SEMA3A: variants seen among roughly 807,000 people sequenced by gnomAD.
The protein encoded by SEMA3A is semaphorin 3A, also known as semaphorin-3A.
Under a neutral mutation model 97.9 loss-of-function variants are expected in SEMA3A, and 29 were observed. The ratio of observed to expected loss-of-function variants is 0.30; its 90% CI spans 0.22 to 0.40. SEMA3A has a LOEUF of 0.40. Among genes scored for constraint, SEMA3A ranks in the 10% least tolerant of loss-of-function variants. SEMA3A has a pLI of 1.00. For missense variants in SEMA3A, 763 were observed against 951.3 expected, an observed-to-expected ratio of 0.80 and a Z score of 2.60; for synonymous variants, 321 against 323.7, an observed-to-expected ratio of 0.99 and a Z score of 0.09.
At chr7:84,271,235 C>T (rs893379849) in intron 3 of SEMA3A, among the ~76,000 whole-genome samples, 2 of 151,810 alleles carry the variant, frequency 1.3e-5, no homozygotes, top group African/African-American at 4.8e-5. Context: ...TCACCCAGGC[C>T]AGAGTGAAGA....
chr7:84,418,761 C>A (rs1368297184), intron 1 of SEMA3A, among the ~76,000 whole-genome samples: 1 of 151,938 alleles, frequency 6.6e-6, no homozygotes, highest in Non-Finnish European at 1.5e-5. Flanking sequence ...TGTCAACTTC[C>A]CTGGTTTTCA....
At chr7:84,321,862 C>G (rs954410648) in intron 2 of SEMA3A, among the ~76,000 whole-genome samples, 2 of 67,812 alleles carry the variant, frequency 2.9e-5, no homozygotes, top group African/African-American at 1.1e-4. Flanking sequence ...GCCGACAGAG[C>G]GAGACTACGG....
At chr7:84,128,534 G>A (rs1454859578) in intron 3 of SEMA3A, among the ~76,000 whole-genome samples, 1 of 151,986 alleles carries the variant, frequency 6.6e-6, no homozygotes, top group African/African-American at 2.4e-5. Flanking sequence ...TAACCAAAGA[G>A]ACCATATTTT....
intron 7 of SEMA3A, among the ~76,000 whole-genome samples, chr7:84,013,543 C>A (rs892960881): frequency 6.7e-6 from 1 of 149,150 alleles, no homozygotes; most frequent in Non-Finnish European, 1.5e-5. Flanking sequence ...CATCTTCCAA[C>A]AACAAATATT....
rs927195980 is a variant in SEMA3A, at chr7:84,129,913, C to T, written c.271-728G>A. Reference sequence around the variant, plus strand: ...ATATTTAGTCTTCATCCTTCCAAAACGTCCCATATTGTGTGAATACAGTGA... The same window carrying T: ...ATATTTAGTCTTCATCCTTCCAAAATGTCCCATATTGTGTGAATACAGTGA... On this transcript the variant is annotated intron_variant, in intron 2 of 16. Transcript: ENST00000265362. Among the ~76,000 whole-genome samples, 6 of 152,112 alleles carry T rather than the reference C, an allele frequency of 3.9e-5. No individual in the cohort carries two copies. In the South Asian group the frequency reaches 8.3e-4, roughly 21 times the overall value.
chr7:84,191,840 T>G (rs956402775), intron 1 of SEMA3A, among the ~76,000 whole-genome samples: 1 of 152,010 alleles, frequency 6.6e-6, no homozygotes. Flanking sequence ...TTTCTAATAT[T>G]ATCACTTCTC....
At chr7:83,995,003 G>C (rs1790148900) in intron 12 of SEMA3A, among the ~76,000 whole-genome samples, 1 of 152,120 alleles carries the variant, frequency 6.6e-6, no homozygotes, top group Non-Finnish European at 1.5e-5. Context: ...GCCATGTGCG[G>C]GATATAATCT....
chr7:84,436,117 T>C (rs990216260), intron 1 of SEMA3A, among the ~76,000 whole-genome samples: 1 of 152,182 alleles, frequency 6.6e-6, no homozygotes, highest in East Asian at 1.9e-4. Flanking sequence ...TTGGGATAAC[T>C]GGCTAGCTAT....
At chr7:84,158,376 A>C (rs1004967733) in intron 1 of SEMA3A, among the ~76,000 whole-genome samples, 2 of 150,914 alleles carry the variant, frequency 1.3e-5, no homozygotes, top group African/African-American at 4.9e-5. Flanking sequence ...CTGGTCTTGA[A>C]CTCCTGACCT....
chr7:84,315,470 A>G (rs1801473708), intron 2 of SEMA3A, among the ~76,000 whole-genome samples: 1 of 152,162 alleles, frequency 6.6e-6, no homozygotes, highest in African/African-American at 2.4e-5. Context: ...CATTGTATAG[A>G]AACAAATAAA....
intron 12 of SEMA3A, among the ~76,000 whole-genome samples, chr7:83,994,693 G>T (rs888938110): frequency 1.3e-5 from 2 of 148,546 alleles, no homozygotes; most frequent in Non-Finnish European, 3.0e-5. Context: ...CCAGCTGCGT[G>T]CTGGGAGAAC....
chr7:84,246,042 A>C (rs1320488321), intron 3 of SEMA3A, among the ~76,000 whole-genome samples: 1 of 152,182 alleles, frequency 6.6e-6, no homozygotes, highest in Non-Finnish European at 1.5e-5. Context: ...TTCTTTCAGA[A>C]ATGCCCTGCC....
At chr7:84,093,523 G>A (rs545037849) in intron 4 of SEMA3A, among the ~76,000 whole-genome samples, 1 of 152,206 alleles carries the variant, frequency 6.6e-6, no homozygotes, top group South Asian at 2.1e-4. Flanking sequence ...TAAATGCAAT[G>A]TCCTAGGAGA....
chr7:84,380,399 G>C (rs188139829), intron 1 of SEMA3A, among the ~76,000 whole-genome samples: 23 of 152,268 alleles, frequency 1.5e-4, no homozygotes, highest in Non-Finnish European at 3.2e-4. Context: ...CAGCAATTCA[G>C]TAGAACTATC....
chr7:83,957,184 T>A lies in SEMA3A; in HGVS notation c.*4187A>T, dbSNP rs989494568. On this transcript the variant is annotated 3_prime_UTR_variant, in exon 17 of 17. Transcript: ENST00000265362. ...GTATATACAAGGCACAGGTTTAGCA[T>A]AGAGAAGGTCCCTAGCTTGAACTAG... 5.9e-5 allele frequency: 9 copies of A among 152,094 alleles called. No homozygotes were observed. The highest frequency in any genetic ancestry group is 6.6e-5 in the Admixed American group (1 of 15,252). The allele number at this position is 152,094 out of a possible 1,614,324, so 9.4% of individuals were successfully genotyped here.
intron 1 of SEMA3A, among the ~76,000 whole-genome samples, chr7:84,178,971 G>C (rs577816355): frequency 6.6e-6 from 1 of 151,804 alleles, no homozygotes; most frequent in East Asian, 1.9e-4. Context: ...CCTGCCAAAC[G>C]GTTCTTTGAT....
At chr7:84,422,351 AT>A (rs1804621499) in intron 1 of SEMA3A, among the ~76,000 whole-genome samples, 1 of 151,372 alleles carries the variant, frequency 6.6e-6, no homozygotes, top group Non-Finnish European at 1.5e-5. Flanking sequence ...TTTCTGTGGG[AT>A]CAGTGGTGAT....
chr7:84,336,600 T>C (rs914987733), intron 2 of SEMA3A, among the ~76,000 whole-genome samples: 2 of 152,094 alleles, frequency 1.3e-5, no homozygotes, highest in African/African-American at 2.4e-5. Flanking sequence ...AGTAGGACAG[T>C]GTTCTATGAG....
At chr7:84,215,861 T>G (rs1798740975) in intron 3 of SEMA3A, among the ~76,000 whole-genome samples, 1 of 152,174 alleles carries the variant, frequency 6.6e-6, no homozygotes, top group Admixed American at 6.5e-5. Flanking sequence ...AAATATGTAG[T>G]CTTTTATAAA....
Sources: gnomAD v4.1 joint callset for allele counts (sites outside exome capture counted in the v4.1 genomes callset) on GRCh38, gnomAD v4.1.1 for gene constraint, MANE v1.5 for transcripts, NCBI Gene and HGNC (gene_info 2026-07-23, HGNC 2026-07-21) for gene names.